OXTR: variants seen among roughly 807,000 people sequenced by gnomAD.
OXTR encodes the protein oxytocin receptor.
In OXTR, 19 loss-of-function variants were observed where a neutral mutation model predicts 23.9. The observed-to-expected ratio is 0.80, with a 90% CI of 0.56 to 1.17. The LOEUF (loss-of-function observed/expected upper bound fraction) is 1.17. Among genes scored for constraint, OXTR ranks in the 50% most tolerant of loss-of-function variants. OXTR has a pLI of 0.00. For missense variants in OXTR, 500 were observed against 550.7 expected (o/e 0.91, Z 0.92); for synonymous variants, 278 against 250.5 (o/e 1.11, Z -1.04).
intron 3 of OXTR, among the ~76,000 whole-genome samples, chr3:8,759,271 C>T (rs1708439404): frequency 6.6e-6 from 1 of 152,188 alleles, no homozygotes; most frequent in African/African-American, 2.4e-5. Context: ...CCTCTGAAAC[C>T]CTCCTGATTT....
At chr3:8,742,360 C>CAAAAAA in the OXTR span, 44 of 242,186 alleles carry the variant, frequency 1.8e-4, no homozygotes, top group Non-Finnish European at 2.3e-4. Context: ...CTGCAAACAC[C>CAAAAAA]AAAAAAAAAA....
chr3:8,754,852 T>G (rs1037688492), intron 3 of OXTR, among the ~76,000 whole-genome samples: 7 of 152,182 alleles, frequency 4.6e-5, no homozygotes, highest in Non-Finnish European at 8.8e-5. Flanking sequence ...GTGCACCTGT[T>G]GGAACAAGAG....
intron 3 of OXTR, among the ~76,000 whole-genome samples, chr3:8,761,567 C>T (rs1708488034): frequency 6.6e-6 from 1 of 152,150 alleles, no homozygotes; most frequent in Admixed American, 6.5e-5. Context: ...GTTCCAATCC[C>T]AGCTCCATCA....
rs1575492642 is a variant in OXTR, at chr3:8,768,224, C to G, written c.-37G>C. On this transcript the variant is annotated 5_prime_UTR_variant, in exon 3 of 4. Transcript: ENST00000316793. The surrounding 1 kb of genome is among the most constrained non-coding windows in gnomAD (Gnocchi z 5.4). ...CAGCGGTGCGCCCCGGCCTTCGAGC[C>G]CTTTACGGCTTGGCGCGGCTGGGCC... 7.9e-7 allele frequency: 1 copy of G among 1,272,794 alleles called. No individual in the cohort carries two copies. 78.8% of individuals were successfully genotyped at this position (1,272,794 alleles called of 1,614,324 possible).
At chr3:8,756,883 A>G (rs1227431353) in intron 3 of OXTR, among the ~76,000 whole-genome samples, 1 of 152,240 alleles carries the variant, frequency 6.6e-6, no homozygotes, top group Non-Finnish European at 1.5e-5. Flanking sequence ...CACACAATGC[A>G]GCCACAATGA....
downstream of OXTR, chr3:8,746,915 G>A (rs1266022923): frequency 6.6e-6 from 1 of 152,044 alleles, no homozygotes; most frequent in Non-Finnish European, 1.5e-5. Flanking sequence ...TAGCATCTGT[G>A]GTCCGGTTCT....
At chr3:8,762,574 C>T (rs747299024) in intron 3 of OXTR, among the ~76,000 whole-genome samples, 1 of 152,092 alleles carries the variant, frequency 6.6e-6, no homozygotes, top group African/African-American at 2.4e-5. Context: ...GCCCACCATG[C>T]TCTCCACATC....
chr3:8,742,869 A>G, the OXTR span, among the ~76,000 whole-genome samples: 1 of 152,204 alleles, frequency 6.6e-6, no homozygotes, highest in African/African-American at 2.4e-5. Flanking sequence ...CTATAAAGGA[A>G]TACCTGAGAC....
intron 3 of OXTR, among the ~76,000 whole-genome samples, chr3:8,761,740 G>A (rs1227027921): frequency 6.6e-6 from 1 of 152,230 alleles, no homozygotes; most frequent in African/African-American, 2.4e-5. Flanking sequence ...AGTGGTGGCT[G>A]CTGTTACCAA....
At chr3:8,764,552 G>C (rs1294297327) in intron 3 of OXTR, among the ~76,000 whole-genome samples, 2 of 152,188 alleles carry the variant, frequency 1.3e-5, no homozygotes, top group Non-Finnish European at 2.9e-5. Context: ...CCTCTGGATT[G>C]AGAGGTATCT....
In OXTR at chr3:8,752,965, C is replaced by T; in HGVS notation, c.*12G>A. ...TGAGCCTCAGGCTGCAGCCCTGGCC[C>T]TGGCTGGTGGGTCACGCCGTGGATG... On this transcript the variant is annotated 3_prime_UTR_variant, in exon 4 of 4. Transcript: ENST00000316793. 6.2e-7 allele frequency: 1 copy of T among 1,607,184 alleles called. No homozygotes were observed. Among genetic ancestry groups the T allele is most frequent in the Non-Finnish European group, 8.5e-7 (1 of 1,175,814 alleles).
intron 3 of OXTR, among the ~76,000 whole-genome samples, chr3:8,755,300 A>G (rs1708349240): frequency 6.6e-6 from 1 of 152,262 alleles, no homozygotes; most frequent in Non-Finnish European, 1.5e-5. Context: ...CAATATTTAC[A>G]ACCTACCAGC....
In OXTR at chr3:8,750,407, TTTTG is replaced by T. The variant is rs549826800; in HGVS notation, c.*2566_*2569del. Reference sequence around the variant, plus strand: ...TCTCTGAATTCATCTGTTGAATTTTTTTTGTTTATTTTTATTTTTTAAAGTTCAT... The same window carrying T: ...TCTCTGAATTCATCTGTTGAATTTTTTTTATTTTTATTTTTTAAAGTTCAT... On this transcript the variant is annotated 3_prime_UTR_variant, in exon 4 of 4. Transcript: ENST00000316793. The T allele has an allele frequency of 4.6e-5, 7 of 152,232 alleles. No homozygotes were observed. Among genetic ancestry groups the T allele is most frequent in the Non-Finnish European group, 5.9e-5 (4 of 68,042 alleles). 9.4% of individuals were successfully genotyped at this position (152,232 alleles called of 1,614,324 possible). A position where few individuals can be genotyped will look rare whatever the true frequency, so the allele number is the denominator to read the frequency against.
At chr3:8,745,842 A>G (rs1060502316), downstream of OXTR, 2 of 1,612,920 alleles carry the variant, frequency 1.2e-6, no homozygotes, top group Admixed American at 1.7e-5. This position sits in a 1 kb window ranked among gnomAD's most constrained non-coding sequence, Gnocchi z 4.8. Context: ...AGCAGCATCA[A>G]GGTGGTGCTG....
rs183607601 is a variant in OXTR at position 8,751,397 on chromosome 3, T to G, written c.*1580A>C. The G allele has an allele frequency of 6.6e-6, 1 of 152,306 alleles. No individual in the cohort carries two copies. Among genetic ancestry groups the G allele is most frequent in the African/African-American group, 2.4e-5 (1 of 41,574 alleles). The allele number at this position is 152,306 out of a possible 1,614,324, so 9.4% of individuals were successfully genotyped here. A position where few individuals can be genotyped will look rare whatever the true frequency, so the allele number is the denominator to read the frequency against. ...AGCTTCAAATCTTGATTAAGTCCAA[T>G]TTACCTATTTTTCCATTGGTTGCTT... On this transcript the variant is annotated 3_prime_UTR_variant, in exon 4 of 4. Transcript: ENST00000316793.
At chr3:8,746,763 G>A (rs935569021), downstream of OXTR, 1 of 149,054 alleles carries the variant, frequency 6.7e-6, no homozygotes, top group Non-Finnish European at 1.5e-5. Flanking sequence ...GAAAGAGCAT[G>A]TATCACTTCC....
intron 3 of OXTR, among the ~76,000 whole-genome samples, chr3:8,763,445 C>T (rs1575489194): frequency 1.3e-5 from 2 of 152,248 alleles, no homozygotes; most frequent in Non-Finnish European, 2.9e-5. Flanking sequence ...CAAATCCTGT[C>T]CACCGCACCC....
chr3:8,767,598 G>C lies in OXTR; in HGVS notation c.590C>G (p.Pro197Arg). Residue 197 changes from proline (P) to arginine (R), a missense_variant, in exon 3 of 4, where the codon CCC (proline) becomes CGC (arginine). Transcript: ENST00000316793. The stretch of plus-strand genomic sequence containing the variant: ...CGTGATCCATGTGATGTAGGCCTTG[G>C]GTCCCCAGGGCTGGATGAAGACGGC... ...CWAVFIQPWG[P>R]KAYITWITLA... 1 of 1,613,450 alleles carries C rather than the reference G, an allele frequency of 6.2e-7. No homozygotes were observed. The highest frequency in any genetic ancestry group is 8.5e-7 in the Non-Finnish European group (1 of 1,179,790).
the OXTR span, among the ~76,000 whole-genome samples, chr3:8,741,548 AAAAC>A: frequency 3.3e-5 from 5 of 152,278 alleles, no homozygotes; most frequent in East Asian, 1.9e-4. Flanking sequence ...TTGAAAAAAG[AAAAC>A]AAACAAACAA....
Sources: gnomAD v4.1 joint callset for allele counts (sites outside exome capture counted in the v4.1 genomes callset) on GRCh38, gnomAD v4.1.1 for gene constraint, Gnocchi (gnomAD v3.1) non-coding constraint, MANE v1.5 for transcripts, NCBI Gene and HGNC (gene_info 2026-07-23, HGNC 2026-07-21) for gene names.